The following LAPTM4B variants were observed in gnomAD, a reference collection of about 807,000 sequenced individuals.
LAPTM4B encodes the protein lysosomal protein transmembrane 4 beta.
A neutral mutation model predicts 28.5 loss-of-function variants in LAPTM4B; 26 were observed. That is an observed-to-expected ratio of 0.91 (90% CI 0.67 to 1.27). The LOEUF is 1.27. LAPTM4B is among the 50% of genes most tolerant of loss of function. The probability of loss-of-function intolerance (pLI) is 0.00; values close to 1 mark genes in which losing one functional copy is unlikely to be tolerated. For synonymous variants in LAPTM4B, 109 were observed against 106.4 expected (o/e 1.02, Z -0.15); for missense variants, 288 against 285.8 (o/e 1.01, Z -0.06).
chr8:97,813,013 A>G lies in LAPTM4B; in HGVS notation c.212-2315A>G, dbSNP rs971704043. On this transcript the variant is annotated intron_variant, in intron 2 of 6. Coordinates refer to ENST00000521545, the MANE Select transcript of LAPTM4B (RefSeq NM_018407.6). ...CTATAAAAAGCTCTGCTAGTGTCTT[A>G]CTGAAATCGTAGGATGTTATATTAG... Among the ~76,000 whole-genome samples the G allele has an allele frequency of 4.7e-4, 71 of 152,226 alleles. 1 individual carries two copies. Among genetic ancestry groups the G allele is most frequent in the Non-Finnish European group, 8.8e-5 (6 of 68,040 alleles).
Position 97,825,043 on chromosome 8 carries a change from A to C in LAPTM4B, c.508-15A>C. Reference sequence around the variant, plus strand: ...TTTGAAAATTAAAAATCTGATAATCACTCCTCATTTTCAGGGTTACTTGAT... The same window carrying C: ...TTTGAAAATTAAAAATCTGATAATCCCTCCTCATTTTCAGGGTTACTTGAT... On this transcript the variant is annotated splice_polypyrimidine_tract_variant and intron_variant, in intron 5 of 6. Coordinates refer to ENST00000521545, the MANE Select transcript of LAPTM4B (RefSeq NM_018407.6). The C allele has an allele frequency of 6.9e-7, 1 of 1,459,832 alleles. No individual in the cohort carries two copies. Among genetic ancestry groups the C allele is most frequent in the Non-Finnish European group, 9.6e-7 (1 of 1,042,244 alleles). 90.4% of individuals were successfully genotyped at this position (1,459,832 alleles called of 1,614,324 possible). A position where few individuals can be genotyped will look rare whatever the true frequency, so the allele number is the denominator to read the frequency against.
chr8:97,831,912 T>G (rs888547364), intron 6 of LAPTM4B, among the ~76,000 whole-genome samples: 1 of 152,148 alleles, frequency 6.6e-6, no homozygotes. Flanking sequence ...AGAGCCTTTA[T>G]TAGACCCAGC....
chr8:97,776,249 G>A, intron 1 of LAPTM4B, 141 bp downstream of exon 1: 1 of 1,090,556 alleles, frequency 9.2e-7, no homozygotes. Flanking sequence ...TCCGGGTGCC[G>A]CGTCCGCACT....
intron 1 of LAPTM4B, among the ~76,000 whole-genome samples, chr8:97,792,335 A>G (rs1432623241): frequency 6.6e-6 from 1 of 152,070 alleles, no homozygotes; most frequent in Non-Finnish European, 1.5e-5. Flanking sequence ...CACTCACTAC[A>G]TCCTTGACCT....
In LAPTM4B at chr8:97,825,151, A is replaced by G. The variant is rs756232252; in HGVS notation, c.601A>G (p.Thr201Ala). Residue 201 changes from threonine to alanine, a missense_variant and splice_region_variant, in exon 6 of 7, where the codon ACG (threonine) becomes GCG (alanine). By Grantham distance (58) the Thr-to-Ala change is moderately conservative (BLOSUM62 0). Coordinates refer to ENST00000521545, the MANE Select transcript of LAPTM4B (RefSeq NM_018407.6). ...VLVYVTSNDT[T>A]VLLPPYDDAT... ...GGTTTATGTTACCAGCAATGACACT[A>G]CGGTAGGTATGATGTCACTTATGGT... The G allele has an allele frequency of 1.9e-6, 3 of 1,549,214 alleles. No homozygotes were observed. The highest frequency in any genetic ancestry group is 2.7e-6 in the Non-Finnish European group (3 of 1,121,366).
intron 1 of LAPTM4B, among the ~76,000 whole-genome samples, chr8:97,792,425 T>C (rs896913031): frequency 2.6e-5 from 4 of 151,998 alleles, no homozygotes; most frequent in Non-Finnish European, 5.9e-5. Context: ...CAGCTAATTA[T>C]TTGTATTTTT....
At chr8:97,845,371 G>T (rs1817412583) in intron 6 of LAPTM4B, among the ~76,000 whole-genome samples, 1 of 148,404 alleles carries the variant, frequency 6.7e-6, no homozygotes, top group Non-Finnish European at 1.5e-5. Context: ...CTTTTACCTA[G>T]TCCCAGGCTT....
intron 6 of LAPTM4B, among the ~76,000 whole-genome samples, chr8:97,846,821 G>GACA: frequency 6.6e-6 from 1 of 152,250 alleles, no homozygotes; most frequent in South Asian, 2.1e-4. Flanking sequence ...CAACTTCCCA[G>GACA]ACTGTTGGGA....
chr8:97,821,112 T>C (rs1174847681), intron 5 of LAPTM4B, among the ~76,000 whole-genome samples: 1 of 151,514 alleles, frequency 6.6e-6, no homozygotes, highest in Non-Finnish European at 1.5e-5. Context: ...CCAAGACGGG[T>C]GGATCACGAG....
rs750768659 is a variant in LAPTM4B, at chr8:97,775,977, TGCGCGCGC to T, written c.-30_-23del. Reference sequence around the variant, plus strand: ...GAGGCGGTCGACGCTCCTGAAAACTTGCGCGCGCGCTCGCGCCACTGCGCCCGGAGCGA... The same window carrying T: ...GAGGCGGTCGACGCTCCTGAAAACTTGCTCGCGCCACTGCGCCCGGAGCGA... On this transcript the variant is annotated 5_prime_UTR_variant, in exon 1 of 7. Coordinates refer to ENST00000521545, the MANE Select transcript of LAPTM4B (RefSeq NM_018407.6). 2 of 1,546,654 alleles carry T rather than the reference TGCGCGCGC, an allele frequency of 1.3e-6. No homozygotes were observed. Among genetic ancestry groups the T allele is most frequent in the African/African-American group, 2.9e-5 (2 of 69,450 alleles).
intron 1 of LAPTM4B, among the ~76,000 whole-genome samples, chr8:97,781,901 A>G (rs775251792): frequency 5.9e-5 from 9 of 151,768 alleles, no homozygotes; most frequent in Non-Finnish European, 1.3e-4. Context: ...TTTGCCAGAT[A>G]TTGGACATTT....
intron 1 of LAPTM4B, among the ~76,000 whole-genome samples, chr8:97,784,283 A>G (rs1816369244): frequency 1.3e-5 from 2 of 152,184 alleles, no homozygotes; most frequent in Non-Finnish European, 2.9e-5. Flanking sequence ...CAATTGTGTC[A>G]TCTTTATTGC....
chr8:97,831,557 G>A (rs750446706), intron 6 of LAPTM4B, among the ~76,000 whole-genome samples: 1 of 152,188 alleles, frequency 6.6e-6, no homozygotes, highest in African/African-American at 2.4e-5. Flanking sequence ...TAAAAGACAG[G>A]TGAGAGGTTT....
chr8:97,821,513 C>T (rs1186692117), intron 5 of LAPTM4B, among the ~76,000 whole-genome samples: 1 of 151,824 alleles, frequency 6.6e-6, no homozygotes, highest in Non-Finnish European at 1.5e-5. Context: ...GGTAATCAAA[C>T]AAAGAAGCAG....
At chr8:97,779,251 C>T (rs1285818746) in intron 1 of LAPTM4B, among the ~76,000 whole-genome samples, 1 of 152,014 alleles carries the variant, frequency 6.6e-6, no homozygotes, top group Admixed American at 6.6e-5. Context: ...GAGGCTGAGG[C>T]GGGCAGATCA....
At chr8:97,784,071 TA>T (rs1319456062) in intron 1 of LAPTM4B, among the ~76,000 whole-genome samples, 1 of 152,216 alleles carries the variant, frequency 6.6e-6, no homozygotes, top group Non-Finnish European at 1.5e-5. Context: ...TACAGGATAG[TA>T]AGACCAACAT....
At chr8:97,777,337 A>G (rs1321521117) in intron 1 of LAPTM4B, among the ~76,000 whole-genome samples, 2 of 151,656 alleles carry the variant, frequency 1.3e-5, no homozygotes, top group African/African-American at 2.4e-5. Context: ...TAGTAGAGAC[A>G]GGGTTTCACC....
intron 1 of LAPTM4B, among the ~76,000 whole-genome samples, chr8:97,787,290 T>TC (rs1264358536): frequency 2.7e-5 from 4 of 149,458 alleles, no homozygotes; most frequent in Non-Finnish European, 6.0e-5. Context: ...TTTCTTTCTT[T>TC]TTTTTTTTTT....
chr8:97,776,402 C>G (rs1042064207), intron 1 of LAPTM4B, among the ~76,000 whole-genome samples: 2 of 152,240 alleles, frequency 1.3e-5, no homozygotes, highest in African/African-American at 2.4e-5. Context: ...CGCGCAGCCC[C>G]GCGGCCTCGC....
Sources: allele counts gnomAD v4.1 joint callset (sites outside exome capture counted in the v4.1 genomes callset), GRCh38; gene constraint gnomAD v4.1.1; transcripts MANE v1.5; gene names NCBI Gene and HGNC (gene_info 2026-07-23, HGNC 2026-07-21).